Variants in FUBP3 observed in about 807,000 individuals in gnomAD.
The protein encoded by FUBP3 is far upstream element binding protein 3.
FUBP3 carries 28 observed loss-of-function variants against 85.6 expected under a neutral mutation model. That is an observed-to-expected ratio of 0.33 (90% confidence interval 0.24 to 0.45). The LOEUF is 0.45. Among genes scored for constraint, FUBP3 ranks in the 20% least tolerant of loss-of-function variants. The probability of loss-of-function intolerance (pLI) is 1.00; values close to 1 mark genes in which losing one functional copy is unlikely to be tolerated. For missense variants in FUBP3, 583 were observed against 755.1 expected (o/e 0.77, Z 2.67); for synonymous variants, 271 against 271.4 (o/e 1.00, Z 0.01).
rs1831828001 is a variant in FUBP3 at position 130,612,996 on chromosome 9, A to G, written c.315A>G (p.Ala105=). The change falls in exon 5 of 19, where the codon GCA becomes GCG. Residue 105 remains alanine (A), a synonymous_variant. Coordinates refer to ENST00000319725, the MANE Select transcript of FUBP3 (RefSeq NM_003934.2). The surrounding 1 kb of genome is among the most constrained non-coding windows in gnomAD (Gnocchi z 4.1). ...RGGEQISRIQ[A]ESGCKIQIAS... is the part of the protein sequence containing the mutation. ...GTGAGCAGATTTCACGGATTCAAGC[A>G]GAATCTGGTTGCAAAATTCAGATTG... 1.2e-6 allele frequency: 2 copies of G among 1,612,878 alleles called. No individual in the cohort carries two copies. Among genetic ancestry groups the G allele is most frequent in the African/African-American group, 1.3e-5 (1 of 74,924 alleles).
intron 2 of FUBP3, among the ~76,000 whole-genome samples, chr9:130,600,854 C>T (rs1234437576): frequency 6.6e-6 from 1 of 151,368 alleles, no homozygotes; most frequent in Non-Finnish European, 1.5e-5. Context: ...TGCATGCCTG[C>T]AGCCCCAGCT....
intron 2 of FUBP3, among the ~76,000 whole-genome samples, chr9:130,597,230 T>A (rs1830917184): frequency 6.6e-6 from 1 of 152,014 alleles, no homozygotes. Context: ...AATGACTGGA[T>A]CTCATTCTTT....
intron 2 of FUBP3, among the ~76,000 whole-genome samples, chr9:130,606,416 C>T (rs992351283): frequency 2.6e-5 from 4 of 152,216 alleles, no homozygotes; most frequent in African/African-American, 9.6e-5. Flanking sequence ...CACTCACCTG[C>T]CTCTGGCCAG....
At chr9:130,608,997 G>A (rs796540916) in intron 2 of FUBP3, among the ~76,000 whole-genome samples, 2 of 152,302 alleles carry the variant, frequency 1.3e-5, no homozygotes, top group African/African-American at 4.8e-5. Flanking sequence ...CTTAGCTCAT[G>A]TCCTTAGAAT....
At chr9:130,580,628 C>T (rs1830097006) in intron 1 of FUBP3, 1 of 152,152 alleles carries the variant, frequency 6.6e-6, no homozygotes, top group South Asian at 2.1e-4. Context: ...AAAAGTTGGG[C>T]TATAACTAAT....
chr9:130,616,520 G>A lies in FUBP3; in HGVS notation c.567+3G>A. ...GGGAAACAATCAAGCAGTTGCAGGT[G>A]TGTGAGCCCGGAGCACGGAGCACAG... On this transcript the variant is annotated splice_donor_region_variant and intron_variant, in intron 7 of 18. Coordinates refer to ENST00000319725, the MANE Select transcript of FUBP3 (RefSeq NM_003934.2). The surrounding 1 kb of genome is among the most constrained non-coding windows in gnomAD (Gnocchi z 4.7). The A allele has an allele frequency of 6.2e-7, 1 of 1,613,990 alleles. No individual in the cohort carries two copies. The highest frequency in any genetic ancestry group is 1.3e-5 in the African/African-American group (1 of 75,052).
intron 2 of FUBP3, among the ~76,000 whole-genome samples, chr9:130,604,743 A>G (rs866382303): frequency 1.3e-5 from 2 of 152,112 alleles, no homozygotes; most frequent in Admixed American, 6.5e-5. Context: ...TTAAAATACA[A>G]AAAAATTAGC....
Position 130,616,550 on chromosome 9 carries a change from C to CGCTCGCAGCAGGTCTTCA in FUBP3, c.567+37_567+54dup, listed in dbSNP as rs754986714. On this transcript the variant is annotated intron_variant, in intron 7 of 18. Transcript: ENST00000319725. The surrounding 1 kb of genome is among the most constrained non-coding windows in gnomAD (Gnocchi z 4.7). ...AGCCCGGAGCACGGAGCACAGCGGC[C>CGCTCGCAGCAGGTCTTCA]GCTCGCAGCAGGTCTTCAGCTTCCT... 9.3e-6 allele frequency: 15 copies of CGCTCGCAGCAGGTCTTCA among 1,607,094 alleles called. 1 individual carries two copies. The South Asian group carries it at 1.7e-4, about 18-fold the overall frequency.
intron 2 of FUBP3, among the ~76,000 whole-genome samples, chr9:130,606,893 G>GT (rs1224162945): frequency 9.5e-5 from 14 of 147,052 alleles, no homozygotes; most frequent in Non-Finnish European, 2.1e-4. Flanking sequence ...TCTTTTGGAG[G>GT]AGAAAAAAAA....
intron 5 of FUBP3, among the ~76,000 whole-genome samples, chr9:130,613,781 T>C (rs1425045586): frequency 1.3e-5 from 2 of 152,164 alleles, no homozygotes; most frequent in Admixed American, 1.3e-4. Flanking sequence ...ACATGTGGTG[T>C]TAGAAAGTAA....
chr9:130,593,957 A>G (rs112465547), intron 1 of FUBP3, among the ~76,000 whole-genome samples: 3 of 152,180 alleles, frequency 2.0e-5, no homozygotes, highest in Non-Finnish European at 2.9e-5. Context: ...CCTTTCACTG[A>G]TAATAAATAT....
At chr9:130,586,768 TCAGACGGAG>T in intron 1 of FUBP3, among the ~76,000 whole-genome samples, 1 of 139,206 alleles carries the variant, frequency 7.2e-6, no homozygotes, top group South Asian at 2.3e-4. Context: ...TTTTTTTTTT[TCAGACGGAG>T]TCTCGCTCTG....
chr9:130,633,611 T>G (rs1028458217), intron 16 of FUBP3, among the ~76,000 whole-genome samples: 8 of 152,196 alleles, frequency 5.3e-5, no homozygotes. Flanking sequence ...CTTTTTTTGT[T>G]TATTCAGGGG....
At chr9:130,596,271 A>C (rs1421920201) in intron 2 of FUBP3, among the ~76,000 whole-genome samples, 1 of 152,126 alleles carries the variant, frequency 6.6e-6, no homozygotes, top group African/African-American at 2.4e-5. Flanking sequence ...AGTGAAGTAC[A>C]CTAGATTGAC....
At chr9:130,628,096 A>ATG (rs1491032323) in intron 12 of FUBP3, among the ~76,000 whole-genome samples, 2 of 101,402 alleles carry the variant, frequency 2.0e-5, no homozygotes, top group African/African-American at 4.4e-5. Flanking sequence ...GCACGCACGC[A>ATG]CGCACGCGCA....
chr9:130,595,883 C>G (rs7046334), intron 2 of FUBP3, among the ~76,000 whole-genome samples: 106,335 of 152,080 alleles, frequency 0.7, 38,263 homozygotes, highest in East Asian at 0.93. Flanking sequence ...GCCTAACTCC[C>G]TTCTTCAGTG....
At chr9:130,610,677 G>A (rs1476902746) in intron 3 of FUBP3, among the ~76,000 whole-genome samples, 4 of 152,170 alleles carry the variant, frequency 2.6e-5, no homozygotes, top group Non-Finnish European at 2.9e-5. Flanking sequence ...TTCTCTTCTG[G>A]AAGGATGAAT....
At position 130,617,922 on chromosome 9, in the gene FUBP3, G is replaced by A. The variant is rs376167951; in HGVS notation, c.666+27G>A. 44 of 1,129,442 alleles carry A rather than the reference G, an allele frequency of 3.9e-5. No individual in the cohort carries two copies. In the African/African-American group the frequency reaches 6.4e-4, roughly 16 times the overall value. The allele number at this position is 1,129,442 out of a possible 1,614,324, so 70.0% of individuals were successfully genotyped here. ...TAGGAAAGTGCCATGGGTTGGGTGA[G>A]TCCTGGCTGTTGGGGCTATCACTCG... On this transcript the variant is annotated intron_variant, in intron 8 of 18. Coordinates refer to ENST00000319725, the MANE Select transcript of FUBP3 (RefSeq NM_003934.2).
intron 2 of FUBP3, among the ~76,000 whole-genome samples, chr9:130,606,553 G>T (rs138136380): frequency 6.6e-6 from 1 of 152,070 alleles, no homozygotes; most frequent in African/African-American, 2.4e-5. Flanking sequence ...GGGCGCGGTG[G>T]CTCACGCCTG....
Sources: gnomAD v4.1 joint callset for allele counts (sites outside exome capture counted in the v4.1 genomes callset) on GRCh38, gnomAD v4.1.1 for gene constraint, Gnocchi (gnomAD v3.1) non-coding constraint, MANE v1.5 for transcripts, NCBI Gene and HGNC (gene_info 2026-07-23, HGNC 2026-07-21) for gene names.